The following HEMK2 variants were observed in gnomAD, a reference collection of about 807,000 sequenced individuals.
The protein encoded by HEMK2 is HemK methyltransferase 2, ETF1 glutamine and histone H4 lysine, also known as methyltransferase HEMK2.
chr21:28,816,652 GC>G, the HEMK2 span, among the ~76,000 whole-genome samples: 1 of 152,158 alleles, frequency 6.6e-6, no homozygotes, highest in Non-Finnish European at 1.5e-5. Flanking sequence ...CTGCACTACA[GC>G]CTAAGAGTCA....
chr21:28,591,036 T>C, the HEMK2 span, among the ~76,000 whole-genome samples: 1 of 152,184 alleles, frequency 6.6e-6, no homozygotes. Flanking sequence ...CTCCTGCTGA[T>C]TGCAGGGAAG....
At chr21:28,834,995 C>G in the HEMK2 span, among the ~76,000 whole-genome samples, 3 of 152,096 alleles carry the variant, frequency 2.0e-5, no homozygotes, top group African/African-American at 7.2e-5. Flanking sequence ...GCAAGACCCA[C>G]CCAAGGAGAG....
At chr21:28,841,115 TTA>T in the HEMK2 span, among the ~76,000 whole-genome samples, 90 of 60,108 alleles carry the variant, frequency 1.5e-3, 3 homozygotes, top group Middle Eastern at 7.8e-3. Context: ...ATAATAAATA[TTA>T]TATATAATAT....
the HEMK2 span, among the ~76,000 whole-genome samples, chr21:28,716,396 T>C: frequency 6.6e-6 from 1 of 152,160 alleles, no homozygotes; most frequent in Admixed American, 6.6e-5. Flanking sequence ...TTTGTGGCTA[T>C]TGTAAATGGA....
the HEMK2 span, among the ~76,000 whole-genome samples, chr21:28,754,204 G>A: frequency 0.073 from 11,058 of 152,218 alleles, 648 homozygotes; most frequent in East Asian, 0.16. Flanking sequence ...TCACTTCCCC[G>A]AGTGAAGAGA....
the HEMK2 span, chr21:28,878,418 C>A: frequency 3.3e-6 from 5 of 1,497,420 alleles, no homozygotes; most frequent in Admixed American, 1.8e-5. Flanking sequence ...GTAATATCAC[C>A]AAAAAAGTAT....
the HEMK2 span, among the ~76,000 whole-genome samples, chr21:28,883,422 C>T: frequency 6.6e-6 from 1 of 152,102 alleles, no homozygotes; most frequent in Non-Finnish European, 1.5e-5. Context: ...CAAGGAGCTC[C>T]TAGCTTAGTA....
At chr21:28,723,384 C>G in the HEMK2 span, among the ~76,000 whole-genome samples, 1 of 152,158 alleles carries the variant, frequency 6.6e-6, no homozygotes, top group African/African-American at 2.4e-5. Context: ...GGAGACAACT[C>G]CTCTGCTACA....
chr21:28,621,943 T>C, the HEMK2 span, among the ~76,000 whole-genome samples: 2 of 152,318 alleles, frequency 1.3e-5, no homozygotes, highest in African/African-American at 4.8e-5. Context: ...CCCTTCTTCG[T>C]CTTTTTTTAT....
chr21:28,746,470 C>T, the HEMK2 span, among the ~76,000 whole-genome samples: 1,158 of 152,254 alleles, frequency 7.6e-3, 15 homozygotes, highest in African/African-American at 0.026. Context: ...CAAGCAAGTT[C>T]TTTGCTCACG....
chr21:28,810,599 T>A, the HEMK2 span, among the ~76,000 whole-genome samples: 1 of 152,186 alleles, frequency 6.6e-6, no homozygotes. Context: ...TGAGGTAAAC[T>A]GGGAATGTAA....
the HEMK2 span, among the ~76,000 whole-genome samples, chr21:28,588,502 T>G: frequency 6.6e-6 from 1 of 152,208 alleles, no homozygotes; most frequent in Non-Finnish European, 1.5e-5. Context: ...TCCTGCCCAA[T>G]CAGAGATGAC....
chr21:28,863,442 A>C, the HEMK2 span, among the ~76,000 whole-genome samples: 9 of 86,192 alleles, frequency 1.0e-4, no homozygotes, highest in African/African-American at 2.1e-4. Context: ...ATATATATAT[A>C]TATATATATA....
the HEMK2 span, among the ~76,000 whole-genome samples, chr21:28,861,008 G>A: frequency 6.6e-6 from 1 of 152,206 alleles, no homozygotes; most frequent in African/African-American, 2.4e-5. Flanking sequence ...AATTGGCATG[G>A]TGGAATGAAT....
chr21:28,819,525 C>T, the HEMK2 span, among the ~76,000 whole-genome samples: 16 of 149,460 alleles, frequency 1.1e-4, no homozygotes, highest in African/African-American at 2.5e-4. Flanking sequence ...TTCAGCTTTC[C>T]ACCTTTATTT....
chr21:28,640,742 T>C, the HEMK2 span, among the ~76,000 whole-genome samples: 2 of 152,206 alleles, frequency 1.3e-5, no homozygotes, highest in Admixed American at 6.5e-5. Context: ...CCAATGTTTC[T>C]TTCTCATCTG....
At chr21:28,731,493 C>A in the HEMK2 span, among the ~76,000 whole-genome samples, 1 of 151,698 alleles carries the variant, frequency 6.6e-6, no homozygotes, top group East Asian at 2.0e-4. Context: ...TAGATGTCCC[C>A]TAAATCTAAA....
At chr21:28,653,896 G>GA in the HEMK2 span, among the ~76,000 whole-genome samples, 1 of 152,106 alleles carries the variant, frequency 6.6e-6, no homozygotes, top group Admixed American at 6.6e-5. Context: ...ATTAGCAAAA[G>GA]AAAAAACTGT....
chr21:28,666,004 C>G, the HEMK2 span, among the ~76,000 whole-genome samples: 1 of 152,138 alleles, frequency 6.6e-6, no homozygotes, highest in Admixed American at 6.5e-5. Flanking sequence ...ATCAATTTCT[C>G]TTACATTTTC....
Sources: gnomAD v4.1 joint callset for allele counts (sites outside exome capture counted in the v4.1 genomes callset) on GRCh38, gnomAD v4.1.1 for gene constraint, MANE v1.5 for transcripts, NCBI Gene and HGNC (gene_info 2026-07-23, HGNC 2026-07-21) for gene names.